ZFAND6: variants seen among roughly 807,000 people sequenced by gnomAD.
ZFAND6 encodes the protein AN1-type zinc finger protein 6.
A neutral mutation model predicts 24.5 loss-of-function variants in ZFAND6; 12 were observed. That is an observed-to-expected ratio of 0.49 (90% CI 0.31 to 0.79). The LOEUF (loss-of-function observed/expected upper bound fraction) is 0.79. Among genes scored for constraint, ZFAND6 ranks in the 30% least tolerant of loss-of-function variants. ZFAND6 has a pLI of 0.04. For missense variants in ZFAND6, 207 were observed against 245.9 expected, an observed-to-expected ratio of 0.84 and a Z score of 1.06; for synonymous variants, 92 against 81.5, an observed-to-expected ratio of 1.13 and a Z score of -0.69.
intron 6 of ZFAND6, among the ~76,000 whole-genome samples, chr15:80,136,377 A>C (rs2040864105): frequency 6.6e-6 from 1 of 152,054 alleles, no homozygotes; most frequent in Non-Finnish European, 1.5e-5. Flanking sequence ...AGGCAGGAGA[A>C]TGGCTTGAAC....
chr15:80,079,102 C>A (rs895621988), intron 1 of ZFAND6, among the ~76,000 whole-genome samples: 31 of 149,552 alleles, frequency 2.1e-4, no homozygotes, highest in Admixed American at 2.1e-3. Flanking sequence ...TTCTTTTGCT[C>A]GTTTTTTAAT....
chr15:80,083,842 A>G (rs979229298), intron 1 of ZFAND6, among the ~76,000 whole-genome samples: 2 of 152,222 alleles, frequency 1.3e-5, no homozygotes, highest in Non-Finnish European at 2.9e-5. Flanking sequence ...AGCCTGGGCA[A>G]CAGAGCGAAA....
At chr15:80,125,832 C>T (rs1444893469) in intron 5 of ZFAND6, among the ~76,000 whole-genome samples, 12 of 152,122 alleles carry the variant, frequency 7.9e-5, no homozygotes, top group Non-Finnish European at 5.9e-5. Context: ...TCTTGGTATG[C>T]CTGCTTAACT....
chr15:80,095,086 T>G (rs1326508470), intron 1 of ZFAND6, among the ~76,000 whole-genome samples: 3 of 152,204 alleles, frequency 2.0e-5, no homozygotes, highest in Non-Finnish European at 2.9e-5. Context: ...GGGATTTTTT[T>G]TTTCCTGTCC....
intron 5 of ZFAND6, among the ~76,000 whole-genome samples, chr15:80,125,016 C>G (rs544193957): frequency 6.6e-6 from 1 of 152,174 alleles, no homozygotes; most frequent in Non-Finnish European, 1.5e-5. Flanking sequence ...CATACACTTA[C>G]ATGCAATTAC....
chr15:80,119,580 T>TG (rs2040054173), intron 2 of ZFAND6, among the ~76,000 whole-genome samples: 1 of 92,728 alleles, frequency 1.1e-5, no homozygotes, highest in Non-Finnish European at 2.7e-5. Flanking sequence ...TATATCATGC[T>TG]TTTTTAAAAA....
intron 3 of ZFAND6, 22 bp downstream of exon 3, chr15:80,120,520 C>A: frequency 6.8e-7 from 1 of 1,475,864 alleles, no homozygotes; most frequent in Admixed American, 2.1e-5. Context: ...TAGTGAAACC[C>A]GTCTATATTC....
chr15:80,112,343 A>G (rs979318220), intron 2 of ZFAND6, among the ~76,000 whole-genome samples: 3 of 152,230 alleles, frequency 2.0e-5, no homozygotes, highest in Non-Finnish European at 4.4e-5. Context: ...AGTGACTAGC[A>G]TTCATCCCAA....
chr15:80,110,188 C>T (rs765638118), intron 2 of ZFAND6, among the ~76,000 whole-genome samples: 2 of 152,178 alleles, frequency 1.3e-5, no homozygotes, highest in African/African-American at 2.4e-5. Flanking sequence ...TTCTGTTGAT[C>T]TCCCAGACCA....
At chr15:80,119,315 C>T (rs1387840655) in intron 2 of ZFAND6, among the ~76,000 whole-genome samples, 1 of 151,938 alleles carries the variant, frequency 6.6e-6, no homozygotes, top group Non-Finnish European at 1.5e-5. Flanking sequence ...AAATTTCCAC[C>T]AATTATGCAA....
At chr15:80,100,922 T>C (rs984508817) in intron 2 of ZFAND6, among the ~76,000 whole-genome samples, 3 of 152,186 alleles carry the variant, frequency 2.0e-5, no homozygotes, top group Non-Finnish European at 2.9e-5. Flanking sequence ...GTGTAATCTG[T>C]AAAATAGATA....
At chr15:80,130,340 A>G (rs2040543907) in intron 5 of ZFAND6, 1 of 152,230 alleles carries the variant, frequency 6.6e-6, no homozygotes. Context: ...GCAAAGGTAC[A>G]TGGCATATTC....
chr15:80,136,835 G>T (rs2040887821), intron 6 of ZFAND6, among the ~76,000 whole-genome samples: 1 of 152,152 alleles, frequency 6.6e-6, no homozygotes, highest in Non-Finnish European at 1.5e-5. Context: ...AGCATTTATT[G>T]TGTGTTTTAC....
chr15:80,061,451 C>A (rs528925435), intron 1 of ZFAND6, among the ~76,000 whole-genome samples: 149 of 152,212 alleles, frequency 9.8e-4, no homozygotes, highest in African/African-American at 3.5e-3. Context: ...ATGACTCCCC[C>A]CAAACCCAAA....
At chr15:80,069,584 T>C (rs1179799250) in intron 1 of ZFAND6, among the ~76,000 whole-genome samples, 1 of 152,136 alleles carries the variant, frequency 6.6e-6, no homozygotes, top group Non-Finnish European at 1.5e-5. Context: ...GGCTCAAATA[T>C]ATCTTACTTT....
intron 2 of ZFAND6, among the ~76,000 whole-genome samples, chr15:80,099,734 A>G (rs1309057163): frequency 1.4e-5 from 2 of 146,448 alleles, no homozygotes; most frequent in Non-Finnish European, 1.5e-5. Flanking sequence ...CTCCTGTCTC[A>G]GCCTCCTGAG....
chr15:80,061,312 CT>C (rs2036320941), intron 1 of ZFAND6, among the ~76,000 whole-genome samples: 1 of 152,146 alleles, frequency 6.6e-6, no homozygotes, highest in African/African-American at 2.4e-5. Context: ...ACGTTTTACA[CT>C]TCAAATATGT....
chr15:80,081,034 T>C (rs1367273581), intron 1 of ZFAND6, among the ~76,000 whole-genome samples: 1 of 152,218 alleles, frequency 6.6e-6, no homozygotes, highest in Non-Finnish European at 1.5e-5. Context: ...ACACAAACTT[T>C]ATCAGTTGAT....
At chr15:80,124,114 A>G (rs1325702812) in intron 5 of ZFAND6, among the ~76,000 whole-genome samples, 1 of 152,218 alleles carries the variant, frequency 6.6e-6, no homozygotes, top group African/African-American at 2.4e-5. Flanking sequence ...AATTTAAGGA[A>G]GGGCAGAAAT....
Sources: gnomAD v4.1 joint callset for allele counts (sites outside exome capture counted in the v4.1 genomes callset) on GRCh38, gnomAD v4.1.1 for gene constraint, MANE v1.5 for transcripts, NCBI Gene and HGNC (gene_info 2026-07-23, HGNC 2026-07-21) for gene names.